The following TEF variants were observed in gnomAD, a reference collection of about 807,000 sequenced individuals.
TEF encodes TEF transcription factor, PAR bZIP family member.
In TEF, 3 loss-of-function variants were observed where a neutral mutation model predicts 20.8. That is an observed-to-expected ratio of 0.14 (90% confidence interval 0.07 to 0.37). The LOEUF (loss-of-function observed/expected upper bound fraction) is 0.37, where lower values mean the gene tolerates loss of function less well. Ranked by LOEUF, TEF falls within the 10% of genes least tolerant of loss-of-function variation. TEF has a pLI of 1.00. For synonymous variants in TEF, 180 were observed against 171.1 expected, an observed-to-expected ratio of 1.05 and a Z score of -0.41; for missense variants, 296 against 397.9, an observed-to-expected ratio of 0.74 and a Z score of 2.18.
intron 1 of TEF, among the ~76,000 whole-genome samples, chr22:41,384,742 C>T (rs1481087119): frequency 6.6e-6 from 1 of 152,146 alleles, no homozygotes. Flanking sequence ...GTGCCAGGAA[C>T]ACTGTAAAGA....
chr22:41,393,259 C>G (rs987230133), intron 2 of TEF, among the ~76,000 whole-genome samples: 1 of 150,138 alleles, frequency 6.7e-6, no homozygotes, highest in Non-Finnish European at 1.5e-5. Context: ...GAGGATCACT[C>G]CAGCCCAGAA....
intron 1 of TEF, 94 bp from the exon 2 acceptor site, chr22:41,387,257 G>A: frequency 7.2e-7 from 1 of 1,389,548 alleles, no homozygotes; most frequent in Non-Finnish European, 9.9e-7. Context: ...GGGGCTCTGA[G>A]AAAGATGGGC....
intron 1 of TEF, among the ~76,000 whole-genome samples, chr22:41,383,438 C>G (rs993484838): frequency 1.4e-4 from 22 of 152,172 alleles, no homozygotes; most frequent in African/African-American, 5.3e-4. Context: ...CAGGTAATAA[C>G]CATCCATAAC....
chr22:41,367,962 GGCAGGGACTGTGGATTTGGGCA>G (rs1569249320), intron 1 of TEF, among the ~76,000 whole-genome samples: 1 of 152,158 alleles, frequency 6.6e-6, no homozygotes, highest in Admixed American at 6.5e-5. Context: ...GCAGAGGAGC[GGCAGGGACTGTGGATTTGGGCA>G]GCAGGAGCCT....
chr22:41,373,815 G>C (rs1214490183), intron 1 of TEF, among the ~76,000 whole-genome samples: 1 of 149,038 alleles, frequency 6.7e-6, no homozygotes, highest in Non-Finnish European at 1.5e-5. Flanking sequence ...CCAGGCTGGA[G>C]TGCAATGGTG....
rs2037239565 is a variant in TEF, at chr22:41,397,128, C to T, written c.*1168C>T. On this transcript the variant is annotated 3_prime_UTR_variant, in exon 4 of 4. Coordinates refer to ENST00000266304, the MANE Select transcript of TEF (RefSeq NM_003216.4). ...CAGGGCAAGACACCTAGTCTAGAGT[C>T]ACCAAGGTCACAGTGCCACTTTCAC... 5.0e-6 allele frequency: 2 copies of T among 398,572 alleles called. No homozygotes were observed. The highest frequency in any genetic ancestry group is 2.1e-5 in the African/African-American group (1 of 48,638). The allele number at this position is 398,572 out of a possible 1,614,324, so 24.7% of individuals were successfully genotyped here.
At chr22:41,377,034 G>C, upstream of TEF, 1 of 152,216 alleles carries the variant, frequency 6.6e-6, no homozygotes, top group Non-Finnish European at 1.5e-5. Flanking sequence ...GTCTCTCTCT[G>C]TCACCTGGGC....
chr22:41,399,232 C>G lies in TEF; in HGVS notation c.*3272C>G, dbSNP rs1033598583. The G allele has an allele frequency of 6.6e-6, 1 of 152,614 alleles. No homozygotes were observed. The allele number at this position is 152,614 out of a possible 1,614,324, so 9.5% of individuals were successfully genotyped here. ...TTGGCCTTATGTGCGTGTGTGCGTGCGAGTGTGTCACTGCTGGTGGGCCGG... is the reference window on the plus strand; with the variant it reads ...TTGGCCTTATGTGCGTGTGTGCGTGGGAGTGTGTCACTGCTGGTGGGCCGG... On this transcript the variant is annotated 3_prime_UTR_variant, in exon 4 of 4. Transcript: ENST00000266304.
intron 1 of TEF, chr22:41,382,873 G>A: frequency 2.1e-6 from 1 of 471,008 alleles, no homozygotes; most frequent in Non-Finnish European, 4.4e-6. Context: ...AGTCCACTGA[G>A]GCCCTTCGCC....
intron 1 of TEF, among the ~76,000 whole-genome samples, chr22:41,385,726 C>A (rs557661793): frequency 0.019 from 2,862 of 152,210 alleles, 85 homozygotes; most frequent in African/African-American, 0.065. Flanking sequence ...CTTTGTGGCC[C>A]AGACTTGGGG....
At chr22:41,395,673 G>A (rs2037218508) in intron 3 of TEF, 72 bp from the exon 4 acceptor site, 2 of 1,477,608 alleles carry the variant, frequency 1.4e-6, no homozygotes, top group African/African-American at 1.4e-5. Flanking sequence ...GGGAATCCAG[G>A]TGGTGGGAGT....
At chr22:41,387,309 A>ACT in intron 1 of TEF, 42 bp from the exon 2 acceptor site, 1 of 1,603,488 alleles carries the variant, frequency 6.2e-7, no homozygotes, top group Non-Finnish European at 8.5e-7. Flanking sequence ...GGATTGAGTT[A>ACT]CTCTCCTGTG....
chr22:41,381,324 C>G (rs2145975253), upstream of TEF, among the ~76,000 whole-genome samples: 1 of 152,260 alleles, frequency 6.6e-6, no homozygotes, highest in East Asian at 1.9e-4. Context: ...CCGCCACAGC[C>G]CCGCACGTGC....
At position 41,384,943 on chromosome 22, in the gene TEF, C is replaced by T. The variant is rs540744547; in HGVS notation, c.158-2408C>T. 5.9e-5 allele frequency among the ~76,000 whole-genome samples: 9 copies of T among 152,070 alleles called. No homozygotes were observed. The South Asian group carries it at 1.2e-3, about 21-fold the overall frequency. Reference sequence around the variant, plus strand: ...TGATTTTTTGTATTTTTAGTAGAGACGGGGTTTCACCATGTTGGTCAGACT... The same window carrying T: ...TGATTTTTTGTATTTTTAGTAGAGATGGGGTTTCACCATGTTGGTCAGACT... On this transcript the variant is annotated intron_variant, in intron 1 of 3. Coordinates refer to ENST00000266304, the MANE Select transcript of TEF (RefSeq NM_003216.4).
At chr22:41,373,309 A>C (rs1000635049) in intron 1 of TEF, among the ~76,000 whole-genome samples, 2 of 152,162 alleles carry the variant, frequency 1.3e-5, no homozygotes, top group African/African-American at 4.8e-5. Context: ...TGAATACCAC[A>C]GGGATTAGGA....
intron 1 of TEF, among the ~76,000 whole-genome samples, chr22:41,368,520 A>G (rs777696634): frequency 4.6e-5 from 7 of 151,730 alleles, no homozygotes; most frequent in Non-Finnish European, 8.8e-5. Flanking sequence ...CTCTCAGCCC[A>G]CTCCCAAACC....
intron 1 of TEF, chr22:41,370,002 A>G: frequency 1.0e-6 from 1 of 985,332 alleles, no homozygotes; most frequent in South Asian, 4.7e-5. Flanking sequence ...TCTCACCTCC[A>G]GTGGGAGGGA....
intron 1 of TEF, among the ~76,000 whole-genome samples, chr22:41,367,983 C>T (rs974308370): frequency 2.6e-5 from 4 of 152,266 alleles, no homozygotes; most frequent in African/African-American, 4.8e-5. Flanking sequence ...TGGATTTGGG[C>T]AGCAGGAGCC....
rs919401057 is a variant in TEF, at chr22:41,399,017, G to A, written c.*3057G>A. ...GTGGATATTGCTCTCTTACGGTGTT[G>A]GGGATGCCAGAACACCACTTGGTTT... On this transcript the variant is annotated 3_prime_UTR_variant, in exon 4 of 4. Transcript: ENST00000266304. The A allele has an allele frequency of 6.5e-6, 1 of 152,696 alleles. No homozygotes were observed. The highest frequency in any genetic ancestry group is 2.4e-5 in the African/African-American group (1 of 41,460). The allele number at this position is 152,696 out of a possible 1,614,324, so 9.5% of individuals were successfully genotyped here.
Sources: allele counts gnomAD v4.1 joint callset (sites outside exome capture counted in the v4.1 genomes callset), GRCh38; gene constraint gnomAD v4.1.1; transcripts MANE v1.5; gene names NCBI Gene and HGNC (gene_info 2026-07-23, HGNC 2026-07-21).